KLHL3: variants seen among roughly 807,000 people sequenced by gnomAD.
KLHL3 encodes the protein kelch-like protein 3.
A neutral mutation model predicts 70.5 loss-of-function variants in KLHL3; 19 were observed. That is an observed-to-expected ratio of 0.27 (90% CI 0.19 to 0.40). The LOEUF (loss-of-function observed/expected upper bound fraction) is 0.40. Among genes scored for constraint, KLHL3 ranks in the 10% least tolerant of loss-of-function variants. KLHL3 has a pLI of 1.00. For synonymous variants in KLHL3, 258 were observed against 290.3 expected (o/e 0.89, Z 1.13); for missense variants, 512 against 771.1 (o/e 0.66, Z 3.98).
chr5:137,720,712 C>G (rs1752981026), intron 1 of KLHL3, 128 bp from the exon 2 acceptor site: 1 of 1,507,582 alleles, frequency 6.6e-7, no homozygotes, highest in South Asian at 1.3e-5. Flanking sequence ...CACACAGACC[C>G]AATAGGAAAG....
intron 5 of KLHL3, among the ~76,000 whole-genome samples, chr5:137,690,625 G>C (rs549500690): frequency 1.3e-5 from 2 of 152,314 alleles, no homozygotes; most frequent in African/African-American, 4.8e-5. Context: ...TCTTCAGAAA[G>C]AAGACTTGTT....
chr5:137,636,714 GT>G (rs971267434), intron 11 of KLHL3, among the ~76,000 whole-genome samples: 3 of 152,000 alleles, frequency 2.0e-5, no homozygotes, highest in African/African-American at 4.8e-5. Context: ...GAAATGAGAG[GT>G]TTTTTTACAA....
At chr5:137,703,190 C>CA (rs147834876) in intron 3 of KLHL3, among the ~76,000 whole-genome samples, 15,649 of 152,224 alleles carry the variant, frequency 0.1, 1,114 homozygotes, top group Non-Finnish European at 0.15. Context: ...AGGGAGTGTT[C>CA]AAGAGTCCTT....
At chr5:137,665,082 C>T (rs898529565) in intron 6 of KLHL3, among the ~76,000 whole-genome samples, 4 of 152,172 alleles carry the variant, frequency 2.6e-5, no homozygotes, top group Non-Finnish European at 4.4e-5. Context: ...CTGAATCTTA[C>T]GGTGAGGAAA....
intron 12 of KLHL3, among the ~76,000 whole-genome samples, chr5:137,633,208 G>C (rs537742779): frequency 7.0e-6 from 1 of 143,636 alleles, no homozygotes; most frequent in African/African-American, 2.6e-5. Flanking sequence ...GAACCCGGGA[G>C]GCGGAGCTTG....
chr5:137,626,021 G>T, intron 13 of KLHL3, 125 bp from the exon 14 acceptor site: 1 of 1,172,192 alleles, frequency 8.5e-7, no homozygotes. Flanking sequence ...ATACAACAGA[G>T]ATTTGGCTCC....
In KLHL3 at chr5:137,639,939, G is replaced by T; in HGVS notation, c.942C>A (p.Ile314=). The part of the protein sequence containing the change: ...IVVGGQAPKA[I]RSVECYDFEE... ...CGAAATCATAGCACTCCACACTGCG[G>T]ATTGCCTTGGGTGCCTGGCCGCCAA... The change falls in exon 9 of 15, where the codon ATC becomes ATA. Residue 314 remains isoleucine (I), a synonymous_variant. Transcript: ENST00000309755. This position sits in a 1 kb window ranked among gnomAD's most constrained non-coding sequence, Gnocchi z 5.0. 6.2e-7 allele frequency: 1 copy of T among 1,614,178 alleles called. No homozygotes were observed. Among genetic ancestry groups the T allele is most frequent in the Non-Finnish European group, 8.5e-7 (1 of 1,180,020 alleles).
chr5:137,639,300 T>C lies in KLHL3; in HGVS notation c.1022-150A>G. On this transcript the variant is annotated intron_variant, in intron 9 of 14. Coordinates refer to ENST00000309755, the MANE Select transcript of KLHL3 (RefSeq NM_017415.3). This position sits in a 1 kb window ranked among gnomAD's most constrained non-coding sequence, Gnocchi z 5.0. ...GGCAGTCATTATGGGATTCACTGGA[T>C]TTCTTTCCTACTTGCTTTTCTAATT... is the stretch of plus-strand genomic sequence containing the variant. The C allele has an allele frequency of 2.9e-6, 2 of 692,336 alleles. No homozygotes were observed. The highest frequency in any genetic ancestry group is 4.8e-6 in the Non-Finnish European group (2 of 412,604). The allele number at this position is 692,336 out of a possible 1,614,324, so 42.9% of individuals were successfully genotyped here.
chr5:137,669,813 C>G (rs918080829), intron 6 of KLHL3, among the ~76,000 whole-genome samples: 13 of 152,102 alleles, frequency 8.5e-5, no homozygotes, highest in African/African-American at 3.1e-4. Context: ...TACGCAAAAG[C>G]AAGAAGAAAA....
In KLHL3 at chr5:137,639,181, C is replaced by G. The variant is rs765584839; in HGVS notation, c.1022-31G>C. 1.7e-5 allele frequency: 27 copies of G among 1,607,264 alleles called. No individual in the cohort carries two copies. In the Admixed American group the frequency reaches 4.5e-4, roughly 27 times the overall value. On this transcript the variant is annotated intron_variant, in intron 9 of 14. Coordinates refer to ENST00000309755, the MANE Select transcript of KLHL3 (RefSeq NM_017415.3). This position sits in a 1 kb window ranked among gnomAD's most constrained non-coding sequence, Gnocchi z 5.0. ...GCACAGGAAACCAAGACATCAAGGT[C>G]AGGTCAGGCGCATGACTGCTCATGT...
Position 137,622,060 on chromosome 5 carries a change from C to G in KLHL3, c.*38G>C, listed in dbSNP as rs763816822. 3.7e-6 allele frequency: 6 copies of G among 1,612,586 alleles called. No individual in the cohort carries two copies. The highest frequency in any genetic ancestry group is 2.7e-5 in the African/African-American group (2 of 74,916). ...TGCTGTTCAGAGTCACAGGCAGCACCTGCTCCTTCCTCCACCTCCTGGCAG... is the reference window on the plus strand; with the variant it reads ...TGCTGTTCAGAGTCACAGGCAGCACGTGCTCCTTCCTCCACCTCCTGGCAG... On this transcript the variant is annotated 3_prime_UTR_variant, in exon 15 of 15. Transcript: ENST00000309755.
intron 8 of KLHL3, 77 bp downstream of exon 8, chr5:137,658,054 G>T: frequency 7.0e-7 from 1 of 1,422,666 alleles, no homozygotes; most frequent in Non-Finnish European, 9.6e-7. Flanking sequence ...GGTGAGGAAA[G>T]ACTTGGAGGC....
At chr5:137,734,605 T>G (rs1345983258) in intron 1 of KLHL3, among the ~76,000 whole-genome samples, 1 of 152,184 alleles carries the variant, frequency 6.6e-6, no homozygotes, top group Admixed American at 6.5e-5. Flanking sequence ...TTGACTTAGT[T>G]GAGCCTATTA....
At chr5:137,669,068 A>C (rs1751685008) in intron 6 of KLHL3, among the ~76,000 whole-genome samples, 1 of 152,080 alleles carries the variant, frequency 6.6e-6, no homozygotes, top group Non-Finnish European at 1.5e-5. Context: ...GACCCTGTGA[A>C]ACTGCTAGTC....
intron 8 of KLHL3, among the ~76,000 whole-genome samples, chr5:137,650,776 C>T (rs1751179764): frequency 6.7e-6 from 1 of 149,410 alleles, no homozygotes; most frequent in African/African-American, 2.5e-5. Flanking sequence ...GAGCCAAGAT[C>T]GTGCCATTGC....
At chr5:137,688,828 G>A (rs1752250446) in intron 5 of KLHL3, among the ~76,000 whole-genome samples, 1 of 152,184 alleles carries the variant, frequency 6.6e-6, no homozygotes, top group African/African-American at 2.4e-5. Flanking sequence ...TGACCCAAAG[G>A]GAGAGCTCAA....
intron 1 of KLHL3, among the ~76,000 whole-genome samples, chr5:137,733,274 G>C (rs888137309): frequency 2.0e-5 from 3 of 152,140 alleles, no homozygotes; most frequent in Admixed American, 6.5e-5. Flanking sequence ...AGTTACCCGT[G>C]CTAAGATAAT....
At chr5:137,662,479 G>A (rs918981285) in intron 6 of KLHL3, among the ~76,000 whole-genome samples, 2 of 152,234 alleles carry the variant, frequency 1.3e-5, no homozygotes, top group African/African-American at 4.8e-5. Flanking sequence ...CTTATGTCCC[G>A]TGTAAAGTTA....
intron 11 of KLHL3, among the ~76,000 whole-genome samples, chr5:137,636,130 A>G (rs997531743): frequency 6.6e-6 from 1 of 152,216 alleles, no homozygotes; most frequent in African/African-American, 2.4e-5. Context: ...TTACCTTGGT[A>G]GGAGGACAAA....
Sources: allele counts gnomAD v4.1 joint callset (sites outside exome capture counted in the v4.1 genomes callset), GRCh38; gene constraint gnomAD v4.1.1; non-coding constraint Gnocchi (gnomAD v3.1); transcripts MANE v1.5; gene names NCBI Gene and HGNC (gene_info 2026-07-23, HGNC 2026-07-21).